Variants in COLEC12 observed in about 807,000 individuals in gnomAD.
COLEC12 encodes the protein collectin-12.
Under a neutral mutation model 71.1 loss-of-function variants are expected in COLEC12, and 33 were observed. The observed-to-expected ratio is 0.46, with a 90% CI of 0.35 to 0.62. The LOEUF (loss-of-function observed/expected upper bound fraction) is 0.62, where lower values mean the gene tolerates loss of function less well. Ranked by LOEUF, COLEC12 falls within the 20% of genes least tolerant of loss-of-function variation. The pLI is 0.00. For missense variants in COLEC12, 765 were observed against 916.1 expected, an observed-to-expected ratio of 0.84 and a Z score of 2.13; for synonymous variants, 350 against 353.0, an observed-to-expected ratio of 0.99 and a Z score of 0.10.
chr18:423,545 C>T (rs762722468), intron 2 of COLEC12, among the ~76,000 whole-genome samples: 40 of 151,982 alleles, frequency 2.6e-4, no homozygotes, highest in South Asian at 4.1e-4. Context: ...CAAATACTAG[C>T]CTTCCCAGTA....
At position 480,857 on chromosome 18, in the gene COLEC12, G is replaced by A. The variant is rs1917401871; in HGVS notation, c.8-100C>T. On this transcript the variant is annotated intron_variant, in intron 1 of 9. Coordinates refer to ENST00000400256, the MANE Select transcript of COLEC12 (RefSeq NM_130386.3). This position sits in a 1 kb window ranked among gnomAD's most constrained non-coding sequence, Gnocchi z 4.1. ...TGCTTCATCGCCCCTGCTTGTCACA[G>A]CAGCTTTCCTTCTGCTCGTGGATCG... 1 of 1,036,274 alleles carries A rather than the reference G, an allele frequency of 9.6e-7. No homozygotes were observed. Among genetic ancestry groups the A allele is most frequent in the South Asian group, 1.3e-5 (1 of 78,958 alleles). 64.2% of individuals were successfully genotyped at this position (1,036,274 alleles called of 1,614,324 possible). A position where few individuals can be genotyped will look rare whatever the true frequency, so the allele number is the denominator to read the frequency against.
intron 5 of COLEC12, among the ~76,000 whole-genome samples, chr18:342,335 T>G (rs1460795790): frequency 6.6e-6 from 1 of 152,260 alleles, no homozygotes; most frequent in Non-Finnish European, 1.5e-5. Flanking sequence ...GATGTAGAGA[T>G]ACTGTGAACA....
Position 481,659 on chromosome 18 carries a change from G to A in COLEC12, c.8-902C>T, listed in dbSNP as rs564250408. Reference sequence around the variant, plus strand: ...GCTGAGGTTGCAGTGAGCTAAGATCGTGCCATTGAACTCCAGCCTGGGCAA... The same window carrying A: ...GCTGAGGTTGCAGTGAGCTAAGATCATGCCATTGAACTCCAGCCTGGGCAA... On this transcript the variant is annotated intron_variant, in intron 1 of 9. Coordinates refer to ENST00000400256, the MANE Select transcript of COLEC12 (RefSeq NM_130386.3). 3.3e-5 allele frequency among the ~76,000 whole-genome samples: 5 copies of A among 152,130 alleles called. No homozygotes were observed. In the South Asian group the frequency reaches 6.2e-4, roughly 19 times the overall value.
chr18:447,144 T>G (rs1298427442), intron 2 of COLEC12, among the ~76,000 whole-genome samples: 1 of 152,254 alleles, frequency 6.6e-6, no homozygotes, highest in Admixed American at 6.5e-5. Context: ...CTTCACACTA[T>G]GCAGATGACA....
intron 1 of COLEC12, among the ~76,000 whole-genome samples, chr18:484,538 G>A (rs1313607298): frequency 6.6e-6 from 1 of 152,188 alleles, no homozygotes; most frequent in East Asian, 1.9e-4. Flanking sequence ...ACTTCTGACT[G>A]CAATTATACA....
At chr18:373,382 A>G (rs886287106) in intron 2 of COLEC12, among the ~76,000 whole-genome samples, 1 of 152,170 alleles carries the variant, frequency 6.6e-6, no homozygotes, top group East Asian at 1.9e-4. Flanking sequence ...TCAGAAGTAC[A>G]TGGTGGGGAA....
chr18:452,819 G>T (rs1916788954), intron 2 of COLEC12, among the ~76,000 whole-genome samples: 1 of 152,192 alleles, frequency 6.6e-6, no homozygotes, highest in Non-Finnish European at 1.5e-5. Context: ...CCACACAAGT[G>T]CCTATGAGCT....
At chr18:447,168 T>C (rs1348216561) in intron 2 of COLEC12, among the ~76,000 whole-genome samples, 1 of 152,236 alleles carries the variant, frequency 6.6e-6, no homozygotes, top group Non-Finnish European at 1.5e-5. Context: ...ACATTCAGGC[T>C]TTACTTGGCT....
intron 3 of COLEC12, among the ~76,000 whole-genome samples, chr18:348,981 T>C (rs1312533008): frequency 1.3e-5 from 2 of 152,168 alleles, no homozygotes; most frequent in African/African-American, 2.4e-5. Flanking sequence ...TGGTTTCCCC[T>C]ATACTGTTCT....
intron 1 of COLEC12, among the ~76,000 whole-genome samples, chr18:481,139 T>C (rs887575566): frequency 2.0e-5 from 3 of 152,206 alleles, no homozygotes; most frequent in African/African-American, 7.2e-5. Flanking sequence ...AGAAACTTTT[T>C]CTGCTCACAG....
intron 2 of COLEC12, among the ~76,000 whole-genome samples, chr18:473,735 A>C (rs1382105354): frequency 6.6e-6 from 1 of 152,240 alleles, no homozygotes; most frequent in Non-Finnish European, 1.5e-5. Context: ...ACCAAAAGGG[A>C]AACTCTTTCC....
chr18:472,845 A>C (rs1382083478), intron 2 of COLEC12, among the ~76,000 whole-genome samples: 1 of 151,858 alleles, frequency 6.6e-6, no homozygotes, highest in Non-Finnish European at 1.5e-5. Context: ...TAAGGTGAGA[A>C]GGATCAGAGA....
chr18:413,618 G>A (rs1454173772), intron 2 of COLEC12, among the ~76,000 whole-genome samples: 1 of 152,190 alleles, frequency 6.6e-6, no homozygotes, highest in Non-Finnish European at 1.5e-5. Context: ...GAGGCCAGGA[G>A]CTCAAGACCA....
intron 5 of COLEC12, among the ~76,000 whole-genome samples, chr18:338,406 G>C (rs1914167676): frequency 6.6e-6 from 1 of 152,188 alleles, no homozygotes; most frequent in Non-Finnish European, 1.5e-5. Context: ...GTAGGGACAG[G>C]TTTTTGGGGA....
intron 2 of COLEC12, among the ~76,000 whole-genome samples, chr18:416,636 A>T (rs1598356494): frequency 6.6e-6 from 1 of 152,130 alleles, no homozygotes; most frequent in Non-Finnish European, 1.5e-5. Flanking sequence ...GGACTCCTCC[A>T]CCGCCATGCT....
At chr18:460,175 C>A (rs969848700) in intron 2 of COLEC12, among the ~76,000 whole-genome samples, 1 of 152,092 alleles carries the variant, frequency 6.6e-6, no homozygotes, top group Non-Finnish European at 1.5e-5. Flanking sequence ...ACGTGGAGTC[C>A]CCCTGCTGTC....
intron 2 of COLEC12, among the ~76,000 whole-genome samples, chr18:392,431 A>G (rs1029565122): frequency 6.6e-6 from 1 of 152,222 alleles, no homozygotes; most frequent in Admixed American, 6.5e-5. Flanking sequence ...ACTCCTGTAC[A>G]AGGTTTTTAT....
intron 2 of COLEC12, among the ~76,000 whole-genome samples, chr18:389,573 C>T (rs956436887): frequency 1.3e-5 from 2 of 150,970 alleles, no homozygotes; most frequent in Non-Finnish European, 3.0e-5. Context: ...GCCACCGAGC[C>T]CAGCCCACTG....
intron 2 of COLEC12, among the ~76,000 whole-genome samples, chr18:378,788 C>G (rs1319248471): frequency 6.6e-6 from 1 of 152,192 alleles, no homozygotes; most frequent in Non-Finnish European, 1.5e-5. Flanking sequence ...TTCCCCTTTT[C>G]CTTTCTATTC....
Sources: allele counts gnomAD v4.1 joint callset (sites outside exome capture counted in the v4.1 genomes callset), GRCh38; gene constraint gnomAD v4.1.1; non-coding constraint Gnocchi (gnomAD v3.1); transcripts MANE v1.5; gene names NCBI Gene and HGNC (gene_info 2026-07-23, HGNC 2026-07-21).